Variants in TBC1D22A observed in about 807,000 individuals in gnomAD.
The protein encoded by TBC1D22A is TBC1 domain family member 22A, also known as putative GTPase activator.
In TBC1D22A, 38 loss-of-function variants were observed where a neutral mutation model predicts 60.2. That is an observed-to-expected ratio of 0.63 (90% CI 0.49 to 0.83). The LOEUF (loss-of-function observed/expected upper bound fraction) is 0.83. Ranked by LOEUF, TBC1D22A falls within the 40% of genes least tolerant of loss-of-function variation. The pLI is 0.00. For synonymous variants in TBC1D22A, 302 were observed against 281.7 expected (o/e 1.07, Z -0.72); for missense variants, 628 against 701.0 (o/e 0.90, Z 1.18).
intron 11 of TBC1D22A, among the ~76,000 whole-genome samples, chr22:47,038,703 C>G (rs569350799): frequency 6.6e-6 from 1 of 152,192 alleles, no homozygotes; most frequent in Non-Finnish European, 1.5e-5. Context: ...GTCCTGTATT[C>G]TGACTTTGCT....
At chr22:46,795,428 G>C (rs79061959) in intron 3 of TBC1D22A, among the ~76,000 whole-genome samples, 2,192 of 152,332 alleles carry the variant, frequency 0.014, 54 homozygotes, top group African/African-American at 0.044. Flanking sequence ...GGCTCAGGCT[G>C]TGACCAGCTG....
chr22:46,907,001 C>T (rs139432266), intron 7 of TBC1D22A, among the ~76,000 whole-genome samples: 217 of 151,942 alleles, frequency 1.4e-3, no homozygotes, highest in African/African-American at 5.1e-3. Flanking sequence ...TCTGTGTACA[C>T]GGGCTTTTCT....
chr22:47,112,110 C>T (rs1017688187), intron 12 of TBC1D22A, among the ~76,000 whole-genome samples: 12 of 152,238 alleles, frequency 7.9e-5, no homozygotes, highest in African/African-American at 2.7e-4. Flanking sequence ...GCATGCCACG[C>T]GTCAGAGGCA....
chr22:46,927,600 C>T (rs2071121629), intron 8 of TBC1D22A, among the ~76,000 whole-genome samples: 1 of 151,990 alleles, frequency 6.6e-6, no homozygotes, highest in East Asian at 1.9e-4. Flanking sequence ...GGCAGTTAAG[C>T]CCAAAAATGA....
chr22:46,944,864 G>C (rs546643795), intron 8 of TBC1D22A, among the ~76,000 whole-genome samples: 1 of 152,212 alleles, frequency 6.6e-6, no homozygotes, highest in Non-Finnish European at 1.5e-5. Context: ...CCTTAAAGAT[G>C]AGTGTGAAAA....
In TBC1D22A at chr22:46,997,728, C is replaced by T; in HGVS notation, c.1201+19C>T. On this transcript the variant is annotated intron_variant, in intron 10 of 12. Transcript: ENST00000337137. The stretch of plus-strand genomic sequence containing the variant: ...ATTGATGGTAAGCCAGCTTCCCGCG[C>T]AGCCCCTCTCTGTGGGCGGGGGGAG... 6.2e-7 allele frequency: 1 copy of T among 1,612,832 alleles called. No individual in the cohort carries two copies. The highest frequency in any genetic ancestry group is 8.5e-7 in the Non-Finnish European group (1 of 1,179,202).
intron 10 of TBC1D22A, among the ~76,000 whole-genome samples, chr22:47,027,082 A>G (rs1050880833): frequency 2.0e-5 from 3 of 152,252 alleles, no homozygotes; most frequent in Non-Finnish European, 4.4e-5. Context: ...TCAGTGGAAT[A>G]GAAGAGAGTG....
intron 11 of TBC1D22A, among the ~76,000 whole-genome samples, chr22:47,050,258 G>A (rs1603172888): frequency 1.3e-5 from 2 of 151,876 alleles, no homozygotes; most frequent in South Asian, 4.2e-4. Context: ...GCCCGCCTCG[G>A]CCCCCCAGGG....
At position 46,905,451 on chromosome 22, in the gene TBC1D22A, A is replaced by G. The variant is rs1378952852; in HGVS notation, c.901-6623A>G. Among the ~76,000 whole-genome samples, 12 of 152,330 alleles carry G rather than the reference A, an allele frequency of 7.9e-5. 1 individual carries two copies. The highest frequency in any genetic ancestry group is 7.2e-4 in the Admixed American group (11 of 15,306). On this transcript the variant is annotated intron_variant, in intron 7 of 12. Coordinates refer to ENST00000337137, the MANE Select transcript of TBC1D22A (RefSeq NM_014346.5). The stretch of plus-strand genomic sequence containing the variant: ...CAGAGCCTTTCATGAGCAAGTTGGT[A>G]AAGCAGCAGATTGATTTGGGTCCGT...
intron 6 of TBC1D22A, among the ~76,000 whole-genome samples, chr22:46,893,076 G>A (rs1334604251): frequency 6.6e-6 from 1 of 152,244 alleles, no homozygotes; most frequent in African/African-American, 2.4e-5. Flanking sequence ...AGCCCGACCA[G>A]CCGTCTGACC....
chr22:46,824,517 GC>G (rs2085965489), intron 4 of TBC1D22A, among the ~76,000 whole-genome samples: 1 of 152,216 alleles, frequency 6.6e-6, no homozygotes, highest in Admixed American at 6.5e-5. Flanking sequence ...CATCCTGCAG[GC>G]CCCTGAGGGC....
chr22:46,969,049 C>G (rs565233218), intron 8 of TBC1D22A, among the ~76,000 whole-genome samples: 2 of 152,228 alleles, frequency 1.3e-5, no homozygotes, highest in East Asian at 3.9e-4. Flanking sequence ...CACTGGATGC[C>G]AGCAGCACCC....
At chr22:47,042,680 G>A (rs547243980) in intron 11 of TBC1D22A, among the ~76,000 whole-genome samples, 2 of 152,316 alleles carry the variant, frequency 1.3e-5, no homozygotes, top group East Asian at 3.9e-4. Flanking sequence ...AATGCCAACT[G>A]CCTGATGGGA....
At chr22:47,039,956 T>TG (rs2062784640) in intron 11 of TBC1D22A, among the ~76,000 whole-genome samples, 1 of 105,486 alleles carries the variant, frequency 9.5e-6, no homozygotes, top group East Asian at 4.1e-4. Flanking sequence ...TTTTTTTTTT[T>TG]TTTTTTGAGA....
At chr22:46,932,824 A>G (rs1340922479) in intron 8 of TBC1D22A, among the ~76,000 whole-genome samples, 1 of 148,458 alleles carries the variant, frequency 6.7e-6, no homozygotes, top group Admixed American at 6.8e-5. Context: ...TCCCAGGTTC[A>G]AGCAATTCTC....
At chr22:46,939,829 A>G (rs1468965601) in intron 8 of TBC1D22A, among the ~76,000 whole-genome samples, 1 of 152,224 alleles carries the variant, frequency 6.6e-6, no homozygotes, top group East Asian at 1.9e-4. Flanking sequence ...ACATCAGTGC[A>G]AGAAGAACCC....
intron 4 of TBC1D22A, among the ~76,000 whole-genome samples, chr22:46,835,603 A>G (rs540473922): frequency 1.2e-3 from 178 of 152,342 alleles, no homozygotes; most frequent in East Asian, 6.7e-3. Flanking sequence ...AACAACATTA[A>G]GCAAAGCCAT....
intron 11 of TBC1D22A, among the ~76,000 whole-genome samples, chr22:47,037,617 C>T (rs143184096): frequency 2.3e-4 from 35 of 152,120 alleles, no homozygotes; most frequent in South Asian, 8.3e-4. Flanking sequence ...GGTGGCAGAG[C>T]GAGACTCCAT....
intron 12 of TBC1D22A, among the ~76,000 whole-genome samples, chr22:47,168,910 G>C (rs767776992): frequency 2.6e-5 from 4 of 152,200 alleles, no homozygotes; most frequent in Non-Finnish European, 4.4e-5. Flanking sequence ...CTTCAGCATC[G>C]GAAGCCTCAC....
Sources: gnomAD v4.1 joint callset for allele counts (sites outside exome capture counted in the v4.1 genomes callset) on GRCh38, gnomAD v4.1.1 for gene constraint, MANE v1.5 for transcripts, NCBI Gene and HGNC (gene_info 2026-07-23, HGNC 2026-07-21) for gene names.